FGF12: variants seen among roughly 807,000 people sequenced by gnomAD.
The protein encoded by FGF12 is fibroblast growth factor 12, also known as fibroblast growth factor 12B.
FGF12 carries 14 observed loss-of-function variants against 23.6 expected under a neutral mutation model. That is an observed-to-expected ratio of 0.59 (90% CI 0.39 to 0.93). The LOEUF is 0.93. Ranked by LOEUF, FGF12 falls within the 40% of genes least tolerant of loss-of-function variation. The probability of loss-of-function intolerance (pLI) is 0.00; values close to 1 mark genes in which losing one functional copy is unlikely to be tolerated. For synonymous variants in FGF12, 62 were observed against 77.3 expected, an observed-to-expected ratio of 0.80 and a Z score of 1.04; for missense variants, 175 against 217.8, an observed-to-expected ratio of 0.80 and a Z score of 1.24.
At chr3:192,200,450 C>T (rs1717306535) in intron 4 of FGF12, among the ~76,000 whole-genome samples, 1 of 152,162 alleles carries the variant, frequency 6.6e-6, no homozygotes, top group Non-Finnish European at 1.5e-5. Flanking sequence ...TTCTCCTTCT[C>T]CAGTTTAAAC....
intron 2 of FGF12, among the ~76,000 whole-genome samples, chr3:192,597,278 C>T (rs2708309): frequency 0.33 from 50,113 of 151,940 alleles, 8,570 homozygotes; most frequent in African/African-American, 0.41. Flanking sequence ...CCTCAAAATT[C>T]TATTGAATCG....
At chr3:192,441,285 A>G (rs962162875) in intron 2 of FGF12, among the ~76,000 whole-genome samples, 3 of 152,214 alleles carry the variant, frequency 2.0e-5, no homozygotes, top group Non-Finnish European at 4.4e-5. Flanking sequence ...TAAATGTTGG[A>G]TAAATAAAGG....
intron 2 of FGF12, among the ~76,000 whole-genome samples, chr3:192,683,547 A>G (rs1717620882): frequency 6.6e-6 from 1 of 152,188 alleles, no homozygotes. Context: ...AAGAGGACAC[A>G]CTTGTCTGCA....
chr3:192,310,929 G>A (rs1715898756), intron 4 of FGF12, among the ~76,000 whole-genome samples: 1 of 151,968 alleles, frequency 6.6e-6, no homozygotes, highest in African/African-American at 2.4e-5. Context: ...CACTTTTTTG[G>A]TCCATCACCA....
chr3:192,681,623 A>C (rs1271959205), intron 2 of FGF12, among the ~76,000 whole-genome samples: 2 of 152,252 alleles, frequency 1.3e-5, no homozygotes, highest in African/African-American at 4.8e-5. Context: ...AGCATGAAAG[A>C]GAAAAAGTCA....
chr3:192,454,505 A>C (rs1344846345), intron 2 of FGF12, among the ~76,000 whole-genome samples: 4 of 152,218 alleles, frequency 2.6e-5, no homozygotes, highest in African/African-American at 9.6e-5. Context: ...TTCTAAAATA[A>C]GGAAAAATAA....
intron 2 of FGF12, among the ~76,000 whole-genome samples, chr3:192,478,995 C>A (rs745690401): frequency 3.3e-5 from 5 of 152,168 alleles, no homozygotes; most frequent in African/African-American, 4.8e-5. Flanking sequence ...TCCGGTTGTA[C>A]ATATTGATCA....
At chr3:192,496,813 A>G (rs942981819) in intron 2 of FGF12, among the ~76,000 whole-genome samples, 1 of 152,104 alleles carries the variant, frequency 6.6e-6, no homozygotes, top group Non-Finnish European at 1.5e-5. Flanking sequence ...TTGTTCACTT[A>G]ATTCCTGTGT....
At chr3:192,533,306 G>T (rs11713524) in intron 2 of FGF12, among the ~76,000 whole-genome samples, 22 of 151,936 alleles carry the variant, frequency 1.4e-4, no homozygotes, top group Admixed American at 7.2e-4. Context: ...ACCAGAAACA[G>T]CTGGGGCCGA....
chr3:192,191,457 G>A (rs559689179), intron 4 of FGF12, among the ~76,000 whole-genome samples: 1 of 152,308 alleles, frequency 6.6e-6, no homozygotes, highest in African/African-American at 2.4e-5. Flanking sequence ...ATAATGTGGA[G>A]GCTATGCATG....
chr3:192,343,874 T>C (rs1167014000), intron 3 of FGF12, among the ~76,000 whole-genome samples: 2 of 152,202 alleles, frequency 1.3e-5, no homozygotes, highest in African/African-American at 4.8e-5. Flanking sequence ...ACAATTGTTG[T>C]TACTGAATTT....
chr3:192,314,054 C>T (rs79753672), intron 4 of FGF12, among the ~76,000 whole-genome samples: 5,507 of 152,184 alleles, frequency 0.036, 324 homozygotes, highest in African/African-American at 0.13. Context: ...CCCACCACCA[C>T]GTGAGTGCAC....
intron 2 of FGF12, among the ~76,000 whole-genome samples, chr3:192,646,994 A>T (rs976585863): frequency 1.3e-5 from 2 of 152,136 alleles, no homozygotes; most frequent in Non-Finnish European, 2.9e-5. Context: ...ATTTTACCAG[A>T]ATTAATTTTG....
At chr3:192,217,961 C>T (rs754900599) in intron 4 of FGF12, among the ~76,000 whole-genome samples, 2 of 152,064 alleles carry the variant, frequency 1.3e-5, no homozygotes, top group South Asian at 2.1e-4. Context: ...CTCATCCTCC[C>T]GAGTAGCTGG....
chr3:192,366,869 T>C lies in FGF12; in HGVS notation c.14-6331A>G, dbSNP rs73889308. 6.7e-3 allele frequency among the ~76,000 whole-genome samples: 1,018 copies of C among 152,260 alleles called. 13 individuals are homozygous for C. Among genetic ancestry groups the C allele is most frequent in the African/African-American group, 0.024 (985 of 41,554 alleles). ...GAAATAAGAAGCAGCCAATTTGTTC[T>C]GAGTGGCTCCACAGAGATAGACCTA... is the stretch of plus-strand genomic sequence containing the variant. On this transcript the variant is annotated intron_variant, in intron 2 of 5. Coordinates refer to ENST00000445105, the MANE Select transcript of FGF12 (RefSeq NM_004113.6).
Position 192,331,987 on chromosome 3 carries a change from C to A in FGF12, c.228+3374G>T, listed in dbSNP as rs1717147004. Among the ~76,000 whole-genome samples the A allele has an allele frequency of 3.3e-5, 5 of 152,220 alleles. No individual in the cohort carries two copies. The South Asian group carries it at 1.0e-3, about 32-fold the overall frequency. On this transcript the variant is annotated intron_variant, in intron 4 of 5. Coordinates refer to ENST00000445105, the MANE Select transcript of FGF12 (RefSeq NM_004113.6). ...AGTTCACCATCCGCACACCTTCACA[C>A]ACAAAACAATTAAAGGTTTAGTTTA...
At chr3:192,418,160 C>T (rs1721411882) in intron 2 of FGF12, among the ~76,000 whole-genome samples, 1 of 152,096 alleles carries the variant, frequency 6.6e-6, no homozygotes, top group Admixed American at 6.6e-5. Flanking sequence ...TACACACTGG[C>T]TTTCAATAAA....
intron 2 of FGF12, among the ~76,000 whole-genome samples, chr3:192,699,556 A>T (rs1479791038): frequency 2.0e-5 from 3 of 152,232 alleles, no homozygotes; most frequent in Admixed American, 6.5e-5. Flanking sequence ...TTCTAAATGC[A>T]AATCAATCAA....
At chr3:192,548,821 A>C (rs1725559993) in intron 2 of FGF12, among the ~76,000 whole-genome samples, 1 of 152,128 alleles carries the variant, frequency 6.6e-6, no homozygotes, top group African/African-American at 2.4e-5. Context: ...ATTAAAAAAA[A>C]CCTGGCAATA....
Sources: allele counts gnomAD v4.1 joint callset (sites outside exome capture counted in the v4.1 genomes callset), GRCh38; gene constraint gnomAD v4.1.1; transcripts MANE v1.5; gene names NCBI Gene and HGNC (gene_info 2026-07-23, HGNC 2026-07-21).